Variants in CHCHD3 observed in about 807,000 individuals in gnomAD.
The protein encoded by CHCHD3 is MICOS complex subunit MIC19.
CHCHD3 carries 20 observed loss-of-function variants against 38.2 expected under a neutral mutation model. The ratio of observed to expected loss-of-function variants is 0.52; its 90% CI spans 0.37 to 0.76. The LOEUF (loss-of-function observed/expected upper bound fraction) is 0.76. Among genes scored for constraint, CHCHD3 ranks in the 30% least tolerant of loss-of-function variants. The pLI is 0.00. For synonymous variants in CHCHD3, 82 were observed against 100.0 expected (o/e 0.82, Z 1.07); for missense variants, 245 against 279.2 (o/e 0.88, Z 0.87).
chr7:132,899,359 C>T (rs1423159389), intron 4 of CHCHD3, among the ~76,000 whole-genome samples: 1 of 152,186 alleles, frequency 6.6e-6, no homozygotes, highest in Admixed American at 6.6e-5. Flanking sequence ...AGCCCCAGAG[C>T]GCATGGTGGA....
At chr7:133,034,288 A>G (rs2117464784) in intron 2 of CHCHD3, among the ~76,000 whole-genome samples, 1 of 152,334 alleles carries the variant, frequency 6.6e-6, no homozygotes, top group Non-Finnish European at 1.5e-5. Context: ...AATAATTCAC[A>G]GAGATTCCTT....
chr7:132,801,903 G>A (rs1427934312), intron 6 of CHCHD3, among the ~76,000 whole-genome samples: 5 of 152,166 alleles, frequency 3.3e-5, no homozygotes, highest in South Asian at 2.1e-4. Flanking sequence ...CGTGGGGAAC[G>A]TGACCTGGAG....
intron 4 of CHCHD3, among the ~76,000 whole-genome samples, chr7:132,966,169 G>A (rs1811459728): frequency 6.6e-6 from 1 of 152,166 alleles, no homozygotes; most frequent in Non-Finnish European, 1.5e-5. Flanking sequence ...AATAAATACT[G>A]CAGGTTTGTA....
chr7:132,840,164 C>T (rs1010053281), intron 5 of CHCHD3, among the ~76,000 whole-genome samples: 1 of 152,196 alleles, frequency 6.6e-6, no homozygotes, highest in Non-Finnish European at 1.5e-5. Context: ...TCACACCTTC[C>T]TATCTGTTTC....
At chr7:132,810,793 T>C (rs1406313752) in intron 6 of CHCHD3, among the ~76,000 whole-genome samples, 2 of 152,230 alleles carry the variant, frequency 1.3e-5, no homozygotes, top group African/African-American at 4.8e-5. Context: ...TATATGCCAT[T>C]ACACACAACC....
intron 7 of CHCHD3, among the ~76,000 whole-genome samples, chr7:132,792,353 C>A (rs1243850301): frequency 6.6e-6 from 1 of 152,190 alleles, no homozygotes; most frequent in Admixed American, 6.5e-5. Context: ...ACTTCACTGA[C>A]TTTGGAGAAA....
At position 133,023,775 on chromosome 7, in the gene CHCHD3, A is replaced by G. The variant is rs549457835; in HGVS notation, c.251+771T>C. On this transcript the variant is annotated intron_variant, in intron 3 of 7. Transcript: ENST00000262570. ...CCTTTCATGGTGTTTTTTTCAGTGG[A>G]TAGCTCGTCAACATCTTTTTGAATC... Among the ~76,000 whole-genome samples the G allele has an allele frequency of 4.3e-4, 66 of 152,260 alleles. 1 individual carries two copies. The highest frequency in any genetic ancestry group is 1.6e-3 in the African/African-American group (66 of 41,566).
chr7:133,073,947 T>A (rs573533160), intron 1 of CHCHD3, among the ~76,000 whole-genome samples: 1 of 152,318 alleles, frequency 6.6e-6, no homozygotes, highest in Non-Finnish European at 1.5e-5. Context: ...CTCTCTCCTG[T>A]ACCATTGGGA....
At chr7:132,870,078 C>A (rs1053001320) in intron 5 of CHCHD3, among the ~76,000 whole-genome samples, 10 of 151,870 alleles carry the variant, frequency 6.6e-5, no homozygotes, top group African/African-American at 2.4e-4. Flanking sequence ...TGGCCGGGCA[C>A]AGGGACTCAT....
At chr7:133,042,872 A>G (rs1300351534) in intron 2 of CHCHD3, among the ~76,000 whole-genome samples, 1 of 152,038 alleles carries the variant, frequency 6.6e-6, no homozygotes, top group African/African-American at 2.4e-5. Context: ...TGCTTCGGGT[A>G]TTCAATTTTT....
intron 3 of CHCHD3, chr7:133,022,289 G>A (rs1813202614): frequency 2.6e-6 from 1 of 391,542 alleles, no homozygotes; most frequent in South Asian, 2.0e-5. Flanking sequence ...TGCATTTGGA[G>A]GGAAAAGAGA....
chr7:132,918,045 T>C (rs993277774), intron 4 of CHCHD3, among the ~76,000 whole-genome samples: 23 of 152,036 alleles, frequency 1.5e-4, no homozygotes, highest in African/African-American at 5.6e-4. Context: ...ATTTAAGTCA[T>C]TTTGTCTATA....
chr7:133,070,497 AAAAT>A (rs1814788751), intron 1 of CHCHD3, among the ~76,000 whole-genome samples: 2 of 152,216 alleles, frequency 1.3e-5, no homozygotes, highest in Admixed American at 1.3e-4. Flanking sequence ...TACTATGCAC[AAAAT>A]TGTAATCTCT....
intron 4 of CHCHD3, among the ~76,000 whole-genome samples, chr7:132,931,459 T>A (rs1302626191): frequency 6.6e-6 from 1 of 152,196 alleles, no homozygotes; most frequent in Admixed American, 6.5e-5. Flanking sequence ...ATGAAAGTGG[T>A]TTGCTCACTG....
At chr7:132,834,929 ATTTC>A in intron 6 of CHCHD3, among the ~76,000 whole-genome samples, 1 of 151,788 alleles carries the variant, frequency 6.6e-6, no homozygotes, top group South Asian at 2.1e-4. Flanking sequence ...AAGAATAGCA[ATTTC>A]TTTTTTTTCC....
At chr7:132,973,808 T>C (rs758632597) in intron 4 of CHCHD3, 13 of 1,102,746 alleles carry the variant, frequency 1.2e-5, no homozygotes, top group Non-Finnish European at 1.4e-5. Flanking sequence ...AAAGTTTTAG[T>C]GTTTCCCAAT....
intron 3 of CHCHD3, among the ~76,000 whole-genome samples, chr7:132,981,141 A>G (rs1193659425): frequency 6.6e-6 from 1 of 151,382 alleles, no homozygotes; most frequent in African/African-American, 2.4e-5. Context: ...GCATGCCACC[A>G]AGCCTGGCTG....
At chr7:133,040,442 A>G (rs541157235) in intron 2 of CHCHD3, among the ~76,000 whole-genome samples, 3 of 152,156 alleles carry the variant, frequency 2.0e-5, no homozygotes, top group Non-Finnish European at 4.4e-5. Flanking sequence ...CTGGGGTGAG[A>G]AAACAGCCCT....
intron 3 of CHCHD3, among the ~76,000 whole-genome samples, chr7:133,005,504 G>C (rs1812675496): frequency 6.6e-6 from 1 of 152,150 alleles, no homozygotes; most frequent in African/African-American, 2.4e-5. Flanking sequence ...TCAGCATACA[G>C]AATCAAGAAA....
Sources: allele counts gnomAD v4.1 joint callset (sites outside exome capture counted in the v4.1 genomes callset), GRCh38; gene constraint gnomAD v4.1.1; transcripts MANE v1.5; gene names NCBI Gene and HGNC (gene_info 2026-07-23, HGNC 2026-07-21).